Variants in DDB1 observed in about 807,000 individuals in gnomAD.
DDB1 encodes damage specific DNA binding protein 1.
In DDB1, 18 loss-of-function variants were observed where a neutral mutation model predicts 133.1. The observed-to-expected ratio is 0.14, with a 90% CI of 0.09 to 0.20. DDB1 has a LOEUF of 0.20. Ranked by LOEUF, DDB1 falls within the 10% of genes least tolerant of loss-of-function variation. The pLI is 1.00. For missense variants in DDB1, 828 were observed against 1,459.2 expected (o/e 0.57, Z 7.05); for synonymous variants, 580 against 550.5 (o/e 1.05, Z -0.75).
rs145122902 is a variant in DDB1 at position 61,309,757 on chromosome 11, T to C, written c.2566+39A>G. On this transcript the variant is annotated intron_variant, in intron 20 of 26. Coordinates refer to ENST00000301764, the MANE Select transcript of DDB1 (RefSeq NM_001923.5). The stretch of plus-strand genomic sequence containing the variant: ...CAATGGCCTGCTGACTTTCTCAGCA[T>C]TTCACATCCCTCAGAAACTGGAGAC... 2.0e-4 allele frequency: 313 copies of C among 1,596,156 alleles called. 2 individuals are homozygous for C. In the African/African-American group the frequency reaches 3.5e-3, roughly 18 times the overall value.
At chr11:61,325,434 G>A (rs559917405) in intron 6 of DDB1, among the ~76,000 whole-genome samples, 177 bp downstream of exon 6, 2 of 152,306 alleles carry the variant, frequency 1.3e-5, no homozygotes, top group South Asian at 2.1e-4. Context: ...TTCTCTGTAA[G>A]CAAATCCAGG....
Position 61,299,833 on chromosome 11 carries a change from G to A in DDB1, c.*303C>T. 2.1e-6 allele frequency: 1 copy of A among 466,820 alleles called. No homozygotes were observed. The highest frequency in any genetic ancestry group is 2.1e-5 in the South Asian group (1 of 46,654). 28.9% of individuals were successfully genotyped at this position (466,820 alleles called of 1,614,324 possible). On this transcript the variant is annotated 3_prime_UTR_variant, in exon 27 of 27. Transcript: ENST00000301764. ...CACGCACAGCTTCCTTTCAGCCAAAGAACTGCAAAATCCTTCCCCGGAAGG... is the reference window on the plus strand; with the variant it reads ...CACGCACAGCTTCCTTTCAGCCAAAAAACTGCAAAATCCTTCCCCGGAAGG...
At position 61,299,560 on chromosome 11, in the gene DDB1, C is replaced by T. The variant is rs572097967; in HGVS notation, c.*576G>A. The stretch of plus-strand genomic sequence containing the variant: ...GTTTGCAGAGACAAAAGGGCTGTGG[C>T]GTGGGGATCATCCACCATCTCCAGG... On this transcript the variant is annotated 3_prime_UTR_variant, in exon 27 of 27. Coordinates refer to ENST00000301764, the MANE Select transcript of DDB1 (RefSeq NM_001923.5). The T allele has an allele frequency of 2.0e-4, 30 of 153,198 alleles. 1 individual carries two copies. The highest frequency in any genetic ancestry group is 6.8e-3 in the Middle Eastern group (2 of 294). 9.5% of individuals were successfully genotyped at this position (153,198 alleles called of 1,614,324 possible).
intron 4 of DDB1, 66 bp from the exon 5 acceptor site, chr11:61,326,959 G>T: frequency 8.3e-7 from 1 of 1,203,734 alleles, no homozygotes; most frequent in Non-Finnish European, 1.2e-6. Flanking sequence ...GAGAGGTGCT[G>T]TAAGGAATAA....
chr11:61,332,481 A>G lies in DDB1; in HGVS notation c.61+427T>C, dbSNP rs28720250. 1,526 of 160,538 alleles carry G rather than the reference A, an allele frequency of 9.5e-3. 17 individuals carry two copies. The highest frequency in any genetic ancestry group is 0.013 in the Middle Eastern group (4 of 318). 9.9% of individuals were successfully genotyped at this position (160,538 alleles called of 1,614,324 possible). ...GAGGGCTCCTCTCCCTCTGTGGGATAATGCGGGCATTCCTCACATCCCTCC... is the reference window on the plus strand; with the variant it reads ...GAGGGCTCCTCTCCCTCTGTGGGATGATGCGGGCATTCCTCACATCCCTCC... On this transcript the variant is annotated intron_variant, in intron 1 of 26. Coordinates refer to ENST00000301764, the MANE Select transcript of DDB1 (RefSeq NM_001923.5).
intron 5 of DDB1, 181 bp from the exon 6 acceptor site, chr11:61,325,889 C>A: frequency 1.5e-6 from 1 of 677,574 alleles, no homozygotes. Flanking sequence ...TGTTAACTGG[C>A]CATTATCTAA....
At chr11:61,326,954 G>T in intron 4 of DDB1, 61 bp from the exon 5 acceptor site, 1 of 1,259,092 alleles carries the variant, frequency 7.9e-7, no homozygotes, top group Non-Finnish European at 1.2e-6. Context: ...CTAGAGAGAG[G>T]TGCTGTAAGG....
At chr11:61,305,284 G>A (rs533950304) in intron 21 of DDB1, among the ~76,000 whole-genome samples, 6 of 152,246 alleles carry the variant, frequency 3.9e-5, no homozygotes, top group East Asian at 3.9e-4. Context: ...CAAGGCAGGC[G>A]GATCACGAGG....
chr11:61,330,134 A>G (rs1321961712), intron 2 of DDB1, 60 bp from the exon 3 acceptor site: 3 of 1,379,872 alleles, frequency 2.2e-6, no homozygotes, highest in African/African-American at 2.9e-5. Flanking sequence ...CAACCTGTCC[A>G]GTCTTTAAGC....
chr11:61,316,919 CAAAAAAAAAAA>C (rs58795761), intron 10 of DDB1, among the ~76,000 whole-genome samples: 1 of 21,696 alleles, frequency 4.6e-5, no homozygotes, highest in African/African-American at 1.4e-4. Flanking sequence ...GATCCTGTCT[CAAAAAAAAAAA>C]AAAAAAAAAA....
intron 12 of DDB1, chr11:61,314,823 C>CTTTTTTTTTTT (rs549452269): frequency 3.7e-5 from 3 of 81,152 alleles, no homozygotes; most frequent in Non-Finnish European, 4.5e-5. Context: ...AGTTTTTTGG[C>CTTTTTTTTTTT]TTTTTTTTTT....
chr11:61,300,968 G>C, intron 25 of DDB1, 36 bp from the exon 26 acceptor site: 1 of 1,612,006 alleles, frequency 6.2e-7, no homozygotes, highest in Non-Finnish European at 8.5e-7. Flanking sequence ...TGCTTATCAG[G>C]AAACACCCTC....
At chr11:61,320,404 T>G (rs907107040) in intron 10 of DDB1, among the ~76,000 whole-genome samples, 4 of 152,120 alleles carry the variant, frequency 2.6e-5, no homozygotes, top group Non-Finnish European at 5.9e-5. Context: ...TTTCACCATG[T>G]TGGCCAGGCT....
At chr11:61,328,611 G>A (rs1368745336) in intron 4 of DDB1, among the ~76,000 whole-genome samples, 4 of 152,282 alleles carry the variant, frequency 2.6e-5, no homozygotes, top group East Asian at 3.9e-4. Context: ...GGTGGCTCAC[G>A]TCTGAAATCT....
chr11:61,317,644 C>T (rs1014898879), intron 10 of DDB1, among the ~76,000 whole-genome samples: 1 of 151,594 alleles, frequency 6.6e-6, no homozygotes, highest in Non-Finnish European at 1.5e-5. Flanking sequence ...GTAGCTGGGA[C>T]TACAGGTGCG....
chr11:61,301,978 CGA>C (rs1384207991), intron 25 of DDB1: 2 of 284,556 alleles, frequency 7.0e-6, no homozygotes, highest in Non-Finnish European at 1.4e-5. Flanking sequence ...CCTGCTACAC[CGA>C]GAGGGCCAGA....
intron 10 of DDB1, among the ~76,000 whole-genome samples, chr11:61,320,298 T>TC (rs1476739553): frequency 6.6e-6 from 1 of 152,060 alleles, no homozygotes; most frequent in Non-Finnish European, 1.5e-5. Context: ...CCTCCCAGGT[T>TC]CAAGTGCCTC....
At chr11:61,320,619 G>A (rs1451465665) in intron 10 of DDB1, among the ~76,000 whole-genome samples, 1 of 151,970 alleles carries the variant, frequency 6.6e-6, no homozygotes, top group Non-Finnish European at 1.5e-5. Context: ...CAAACTCCTG[G>A]ACTCAAGCAA....
At chr11:61,325,233 G>A (rs1383001207) in intron 6 of DDB1, among the ~76,000 whole-genome samples, 1 of 152,096 alleles carries the variant, frequency 6.6e-6, no homozygotes, top group Non-Finnish European at 1.5e-5. Flanking sequence ...AGCTACTTGG[G>A]AGGTTGAGAC....
Sources: allele counts gnomAD v4.1 joint callset (sites outside exome capture counted in the v4.1 genomes callset), GRCh38; gene constraint gnomAD v4.1.1; transcripts MANE v1.5; gene names NCBI Gene and HGNC (gene_info 2026-07-23, HGNC 2026-07-21).